The following POLR3A variants were observed in gnomAD, a reference collection of about 807,000 sequenced individuals.
POLR3A encodes the protein RNA polymerase III subunit A, also known as DNA-directed RNA polymerase III subunit RPC1.
Under a neutral mutation model 152.8 loss-of-function variants are expected in POLR3A, and 112 were observed. The ratio of observed to expected loss-of-function variants is 0.73; its 90% CI spans 0.63 to 0.86. The LOEUF (loss-of-function observed/expected upper bound fraction) is 0.86. Ranked by LOEUF, POLR3A falls within the 40% of genes least tolerant of loss-of-function variation. The probability of loss-of-function intolerance (pLI) is 0.00; values close to 1 mark genes in which losing one functional copy is unlikely to be tolerated. For synonymous variants in POLR3A, 615 were observed against 652.1 expected (o/e 0.94, Z 0.87); for missense variants, 1,385 against 1,743.1 (o/e 0.79, Z 3.66).
rs1392887402 is a variant in POLR3A, at chr10:77,979,745, G to A, written c.4024+396C>T. On this transcript the variant is annotated intron_variant, in intron 30 of 30. Coordinates refer to ENST00000372371, the MANE Select transcript of POLR3A (RefSeq NM_007055.4). ...GCAGGCATTGATGGCCACCTCCCAA[G>A]GACAGTAGGACACTCTGCTCTGCCC... 2.6e-5 allele frequency among the ~76,000 whole-genome samples: 4 copies of A among 152,184 alleles called. No homozygotes were observed. The East Asian group carries it at 5.8e-4, about 22-fold the overall frequency.
Position 78,016,789 on chromosome 10 carries a change from C to T in POLR3A, c.1431+786G>A, listed in dbSNP as rs1184619564. ...CTACGGTAGGCTGAGGTGGGAGGAT[C>T]GCTTGAGCCGAGGCGGTCAAAGCTG... On this transcript the variant is annotated intron_variant, in intron 10 of 30. Transcript: ENST00000372371. Among the ~76,000 whole-genome samples, 4 of 149,016 alleles carry T rather than the reference C, an allele frequency of 2.7e-5. No homozygotes were observed. In the East Asian group the frequency reaches 5.9e-4, roughly 22 times the overall value.
chr10:78,017,797 CT>C, intron 9 of POLR3A, 81 bp from the exon 10 acceptor site: 2 of 1,413,150 alleles, frequency 1.4e-6, no homozygotes, highest in South Asian at 2.3e-5. Flanking sequence ...AGGATTCAAT[CT>C]TTAATATATT....
chr10:77,982,717 G>A lies in POLR3A; in HGVS notation c.3530C>T (p.Pro1177Leu), dbSNP rs1453935721. 6.2e-7 allele frequency: 1 copy of A among 1,613,750 alleles called. No individual in the cohort carries two copies. The highest frequency in any genetic ancestry group is 2.2e-5 in the East Asian group (1 of 44,864). The change falls in exon 27 of 31, where the codon CCC becomes CTC. Residue 1177 changes from proline to leucine, a missense_variant. Around this residue, in one of 7 missense-constraint regions of POLR3A, gnomAD observed 332 missense variants for 400.1 expected, o/e 0.83. Transcript: ENST00000372371. Reference protein sequence around the residue: ...VHGEAVVCVTPRENSKSSMYY... With the variant: ...VHGEAVVCVTLRENSKSSMYY... ...CATGGAGCTCTTGCTGTTCTCTCTGGGGGTGACACACACCACAGCCTCACC... is the reference window on the plus strand; with the variant it reads ...CATGGAGCTCTTGCTGTTCTCTCTGAGGGTGACACACACCACAGCCTCACC...
In POLR3A at chr10:77,991,122, G is replaced by T; in HGVS notation, c.2833C>A (p.Leu945Met). Residue 945 changes from leucine (L) to methionine (M), a missense_variant, in exon 21 of 31, where the codon CTG becomes ATG. This residue lies in a region of POLR3A where 178 missense variants were observed against 204.6 expected (regional missense o/e 0.87). Transcript: ENST00000372371. ...PSEPALSKNELILTTESIMKK... is the reference protein window; with the variant it reads ...PSEPALSKNEMILTTESIMKK... ...ATGATGGACTCTGTGGTCAGGATCA[G>T]CTCGTTTTTGCTGAGAGCAGGCTCA... The T allele has an allele frequency of 6.2e-7, 1 of 1,613,804 alleles. No individual in the cohort carries two copies.
At position 77,980,156 on chromosome 10, in the gene POLR3A, T is replaced by C; in HGVS notation, c.4009A>G (p.Lys1337Glu). Reference protein sequence around the residue: ...HLFDAAYFGQKDSVCGVSECI... With the variant: ...HLFDAAYFGQEDSVCGVSECI... ...TCAAACCTACCACACACAGAGTCCT[T>C]CTGCCCGAAGTAGGCAGCGTCAAAG... The change falls in exon 30 of 31, where the codon AAG (lysine) becomes GAG (glutamate). Residue 1337 changes from lysine (K) to glutamate (E), a missense_variant. Physicochemically the swap from Lys to Glu is moderately conservative, Grantham distance 56 (BLOSUM62 1). Transcript: ENST00000372371. The C allele has an allele frequency of 6.2e-7, 1 of 1,614,062 alleles. No homozygotes were observed. Among genetic ancestry groups the C allele is most frequent in the African/African-American group, 1.3e-5 (1 of 75,058 alleles).
intron 25 of POLR3A, 79 bp downstream of exon 25, chr10:77,984,126 T>C: frequency 8.1e-7 from 1 of 1,240,940 alleles, no homozygotes; most frequent in Non-Finnish European, 1.2e-6. Flanking sequence ...GGCTGGTCAA[T>C]AGATGGCAGC....
At position 78,019,275 on chromosome 10, in the gene POLR3A, A is replaced by C. The variant is rs1445355489; in HGVS notation, c.1186-10T>G. On this transcript the variant is annotated splice_polypyrimidine_tract_variant and intron_variant, in intron 8 of 30. Transcript: ENST00000372371. ...TGTTTGCTTTGTTTACCTGCAGTACAAAAAAACCACAATAAGTTACTCCCA... is the reference window on the plus strand; with the variant it reads ...TGTTTGCTTTGTTTACCTGCAGTACCAAAAAACCACAATAAGTTACTCCCA... The C allele has an allele frequency of 1.3e-6, 2 of 1,576,496 alleles. No individual in the cohort carries two copies. The highest frequency in any genetic ancestry group is 2.2e-5 in the East Asian group (1 of 44,656).
Position 77,982,284 on chromosome 10 carries a change from G to A in POLR3A, c.3629C>T (p.Ala1210Val). ...VVQGIPEVSR[A>V]VIHIDEQSGK... Reference sequence around the variant, plus strand: ...ACTCTGCTCGTCAATGTGGATGACAGCTCTGGACACCTCTGGAATGCCCTG... The same window carrying A: ...ACTCTGCTCGTCAATGTGGATGACAACTCTGGACACCTCTGGAATGCCCTG... The change falls in exon 28 of 31, where the codon GCT (alanine) becomes GTT (valine). Residue 1210 changes from alanine (A) to valine (V), a missense_variant. This residue lies in a region of POLR3A where 332 missense variants were observed against 400.1 expected (regional missense o/e 0.83). Transcript: ENST00000372371. 6.2e-7 allele frequency: 1 copy of A among 1,614,016 alleles called. No individual in the cohort carries two copies. Among genetic ancestry groups the A allele is most frequent in the African/African-American group, 1.3e-5 (1 of 75,018 alleles).
chr10:78,018,857 AT>A (rs1363238802), intron 9 of POLR3A, among the ~76,000 whole-genome samples: 1 of 152,170 alleles, frequency 6.6e-6, no homozygotes, highest in Non-Finnish European at 1.5e-5. Context: ...AAGTGCTGGG[AT>A]TAAAGGTGTG....
chr10:78,024,459 G>C (rs1847610121), intron 5 of POLR3A, 90 bp downstream of exon 5: 2 of 1,340,612 alleles, frequency 1.5e-6, no homozygotes, highest in Non-Finnish European at 2.1e-6. Context: ...TCTAGGGGTG[G>C]GGCGGAGTTG....
At chr10:77,981,008 G>A (rs571326419) in intron 29 of POLR3A, among the ~76,000 whole-genome samples, 2 of 151,716 alleles carry the variant, frequency 1.3e-5, no homozygotes, top group African/African-American at 2.4e-5. Context: ...TCAGCCTCCC[G>A]CCCCCAACTT....
chr10:78,002,607 C>G (rs1036955705), intron 16 of POLR3A, among the ~76,000 whole-genome samples: 1 of 152,118 alleles, frequency 6.6e-6, no homozygotes, highest in Non-Finnish European at 1.5e-5. Flanking sequence ...TCACAGCTCA[C>G]TGCAGCCTCA....
At position 78,017,755 on chromosome 10, in the gene POLR3A, G is replaced by A. The variant is rs148309467; in HGVS notation, c.1290-39C>T. The A allele has an allele frequency of 7.6e-4, 1,222 of 1,610,858 alleles. 1 individual carries two copies. Among genetic ancestry groups the A allele is most frequent in the Middle Eastern group, 1.5e-3 (9 of 6,052 alleles). Reference sequence around the variant, plus strand: ...AATAAACATGATCTGTGAAAGCAAAGTTCTCTCACCAAGTTTCTCCCTCTT... The same window carrying A: ...AATAAACATGATCTGTGAAAGCAAAATTCTCTCACCAAGTTTCTCCCTCTT... On this transcript the variant is annotated intron_variant, in intron 9 of 30. Coordinates refer to ENST00000372371, the MANE Select transcript of POLR3A (RefSeq NM_007055.4).
Position 78,022,458 on chromosome 10 carries a change from CTA to C in POLR3A, c.646-76_646-75del, listed in dbSNP as rs1847589429. 2.0e-6 allele frequency: 3 copies of C among 1,475,104 alleles called. No individual in the cohort carries two copies. The African/African-American group carries it at 4.1e-5, about 20-fold the overall frequency. 91.4% of individuals were successfully genotyped at this position (1,475,104 alleles called of 1,614,324 possible). On this transcript the variant is annotated intron_variant, in intron 5 of 30. Transcript: ENST00000372371. Reference sequence around the variant, plus strand: ...ATAGCTTGGGCAAGGTTTTCCTTCACTATGTTTTCTAACCTATCTGTCACTAA... The same window carrying C: ...ATAGCTTGGGCAAGGTTTTCCTTCACTGTTTTCTAACCTATCTGTCACTAA...
chr10:78,000,148 A>G, intron 18 of POLR3A, 30 bp from the exon 19 acceptor site: 1 of 1,612,438 alleles, frequency 6.2e-7, no homozygotes, highest in Non-Finnish European at 8.5e-7. Flanking sequence ...AGAAAAATCA[A>G]ACAAAAAAAG....
intron 5 of POLR3A, among the ~76,000 whole-genome samples, chr10:78,023,395 G>C (rs959674153): frequency 6.6e-6 from 1 of 152,140 alleles, no homozygotes; most frequent in African/African-American, 2.4e-5. Context: ...GGGAGGTGGA[G>C]GTTGCAGTGA....
At chr10:77,998,628 G>C (rs376358751) in intron 19 of POLR3A, among the ~76,000 whole-genome samples, 2 of 152,150 alleles carry the variant, frequency 1.3e-5, no homozygotes, top group Non-Finnish European at 2.9e-5. Flanking sequence ...TTAGAATGGC[G>C]ATCATTAAAA....
At position 78,017,637 on chromosome 10, in the gene POLR3A, C is replaced by T. The variant is rs768880752; in HGVS notation, c.1369G>A (p.Gly457Arg). ...TGCCGATTGAACAGCACCACATCTC[C>T]ATCGATGAGGTGTCTCTCTACGATG... Reference protein sequence around the residue: ...GDIVERHLIDGDVVLFNRQPS... With the variant: ...GDIVERHLIDRDVVLFNRQPS... Residue 457 changes from glycine (G) to arginine (R), a missense_variant, in exon 10 of 31, where the codon GGA becomes AGA. Physicochemically the swap from Gly to Arg is moderately radical, Grantham distance 125 (BLOSUM62 -2). Transcript: ENST00000372371. The T allele has an allele frequency of 5.6e-6, 9 of 1,613,300 alleles. No homozygotes were observed. The highest frequency in any genetic ancestry group is 1.3e-5 in the African/African-American group (1 of 74,902).
intron 16 of POLR3A, among the ~76,000 whole-genome samples, chr10:78,002,622 C>T (rs1166333732): frequency 6.6e-6 from 1 of 152,078 alleles, no homozygotes; most frequent in Non-Finnish European, 1.5e-5. Context: ...GCCTCAAACT[C>T]CCGGGCTCAA....
Sources: allele counts gnomAD v4.1 joint callset (sites outside exome capture counted in the v4.1 genomes callset), GRCh38; gene constraint gnomAD v4.1.1; regional missense constraint gnomAD v4.1.1; transcripts MANE v1.5; gene names NCBI Gene and HGNC (gene_info 2026-07-23, HGNC 2026-07-21).